The following TTC6 variants were observed in gnomAD, a reference collection of about 807,000 sequenced individuals.
TTC6 encodes the protein tetratricopeptide repeat protein 6.
In TTC6, 172 loss-of-function variants were observed where a neutral mutation model predicts 210.4. The observed-to-expected ratio is 0.82, with a 90% CI of 0.72 to 0.93. The LOEUF (loss-of-function observed/expected upper bound fraction) is 0.93, where lower values mean the gene tolerates loss of function less well. Ranked by LOEUF, TTC6 falls within the 40% of genes least tolerant of loss-of-function variation. The probability of loss-of-function intolerance (pLI) is 0.00; values close to 1 mark genes in which losing one functional copy is unlikely to be tolerated. For synonymous variants in TTC6, 804 were observed against 819.6 expected (o/e 0.98, Z 0.32); for missense variants, 2,414 against 2,318.1 (o/e 1.04, Z -0.85).
chr14:37,727,438 C>T (rs568703852), intron 7 of TTC6, among the ~76,000 whole-genome samples: 84 of 151,534 alleles, frequency 5.5e-4, no homozygotes, highest in Non-Finnish European at 9.4e-4. Flanking sequence ...GGACTACAGG[C>T]GCACACCACC....
chr14:37,700,798 T>C (rs1473343596), intron 4 of TTC6, among the ~76,000 whole-genome samples: 1 of 143,392 alleles, frequency 7.0e-6, no homozygotes, highest in East Asian at 2.1e-4. Flanking sequence ...TCATCCTCTC[T>C]ACTTAGGAAA....
intron 14 of TTC6, among the ~76,000 whole-genome samples, chr14:37,760,161 G>A (rs1039671837): frequency 1.3e-5 from 2 of 152,212 alleles, no homozygotes; most frequent in Admixed American, 6.5e-5. Context: ...CTCTGAGGCT[G>A]ATGACCTTTG....
At chr14:37,622,875 C>T (rs879790353) in exon 1 of TTC6, 4 of 1,535,022 alleles carry the variant, frequency 2.6e-6, no homozygotes, top group East Asian at 4.9e-5. Context: ...GCTGCCCTCC[C>T]GCGTGATCCC....
intron 1 of TTC6, among the ~76,000 whole-genome samples, chr14:37,667,331 A>G (rs560875677): frequency 1.3e-5 from 2 of 150,622 alleles, no homozygotes; most frequent in South Asian, 4.2e-4. Flanking sequence ...CCCCCTGCCC[A>G]GCACATTAAT....
intron 5 of TTC6, among the ~76,000 whole-genome samples, chr14:37,712,871 T>G (rs2095846790): frequency 6.6e-6 from 1 of 152,094 alleles, no homozygotes; most frequent in East Asian, 1.9e-4. Flanking sequence ...TTTAGCTATT[T>G]TAAGCAAAAA....
chr14:37,812,548 G>T, intron 25 of TTC6, 115 bp downstream of exon 27: 1 of 1,021,818 alleles, frequency 9.8e-7, no homozygotes, highest in Non-Finnish European at 1.4e-6. Flanking sequence ...CTCAACTTTA[G>T]CAAGAATTCT....
At chr14:37,704,274 C>T (rs986604120) in intron 5 of TTC6, among the ~76,000 whole-genome samples, 4 of 151,948 alleles carry the variant, frequency 2.6e-5, no homozygotes, top group Admixed American at 6.6e-5. Context: ...AGGCTGGTCT[C>T]GAACTCCTAG....
At chr14:37,783,480 C>T (rs2139276318) in intron 14 of TTC6, among the ~76,000 whole-genome samples, 1 of 151,628 alleles carries the variant, frequency 6.6e-6, no homozygotes, top group Non-Finnish European at 1.5e-5. Context: ...GGTGATATCC[C>T]CTTTATTATT....
intron 14 of TTC6, among the ~76,000 whole-genome samples, chr14:37,761,806 G>A (rs1363206797): frequency 1.3e-5 from 2 of 152,110 alleles, no homozygotes; most frequent in Non-Finnish European, 2.9e-5. Flanking sequence ...GCTGTTGCAT[G>A]TGGCTCTAGT....
At chr14:37,683,002 T>C (rs1486903820) in intron 3 of TTC6, 38 bp downstream of exon 5, 20 of 1,518,382 alleles carry the variant, frequency 1.3e-5, no homozygotes, top group African/African-American at 2.8e-5. Context: ...CTAAGAGTTA[T>C]GAGAATTGAG....
At chr14:37,682,850 A>G (rs1566885210) in exon 3 of TTC6, 12 of 1,535,718 alleles carry the variant, frequency 7.8e-6, no homozygotes, top group East Asian at 2.4e-5. Flanking sequence ...CAGAAAGCAT[A>G]GTATTTAAAC....
rs2095652059 is a variant in TTC6, at chr14:37,622,133, G to GA, written c.72dup (p.Val25SerfsTer6). On this transcript the variant is annotated frameshift_variant, in exon 1 of 31. Transcript: ENST00000553443. LOFTEE classifies it high-confidence loss of function. ...AATCGTATATGTTTAAAGAGCTTGA[G>GA]AAAGTTCGGCAGGAAACTAAAAAGG... 1 of 1,535,416 alleles carries GA rather than the reference G, an allele frequency of 6.5e-7. No homozygotes were observed. Among genetic ancestry groups the GA allele is most frequent in the Non-Finnish European group, 8.7e-7 (1 of 1,146,688 alleles).
chr14:37,799,912 G>A (rs887964790), intron 20 of TTC6, among the ~76,000 whole-genome samples: 7 of 152,152 alleles, frequency 4.6e-5, no homozygotes, highest in African/African-American at 1.7e-4. Context: ...GCAGGCTCCT[G>A]GCCCCTCACC....
intron 10 of TTC6, among the ~76,000 whole-genome samples, chr14:37,742,265 T>C (rs545286001): frequency 1.3e-5 from 2 of 152,320 alleles, no homozygotes; most frequent in East Asian, 3.9e-4. Flanking sequence ...AGTGACCCTG[T>C]GGTCTCAGAC....
intron 14 of TTC6, among the ~76,000 whole-genome samples, chr14:37,771,258 T>C (rs1407292950): frequency 1.3e-5 from 2 of 152,144 alleles, no homozygotes; most frequent in African/African-American, 2.4e-5. Flanking sequence ...ATTTCAACTT[T>C]GGTGAATCTG....
At chr14:37,657,048 A>C (rs1595068408) in intron 1 of TTC6, among the ~76,000 whole-genome samples, 2 of 152,044 alleles carry the variant, frequency 1.3e-5, no homozygotes, top group East Asian at 3.9e-4. Flanking sequence ...CGTCTCTATT[A>C]AAAATACTAA....
chr14:37,668,674 C>T (rs2095752788), intron 1 of TTC6, among the ~76,000 whole-genome samples: 1 of 152,168 alleles, frequency 6.6e-6, no homozygotes, highest in Non-Finnish European at 1.5e-5. Flanking sequence ...GAAAAATAAA[C>T]TTTGCCTCTT....
rs2095945362 is a variant in TTC6 at position 37,749,406 on chromosome 14, G to C, written c.2826+5G>C. The C allele has an allele frequency of 1.1e-5, 15 of 1,399,074 alleles. No individual in the cohort carries two copies. The highest frequency in any genetic ancestry group is 1.4e-5 in the Non-Finnish European group (15 of 1,082,244). 86.7% of individuals were successfully genotyped at this position (1,399,074 alleles called of 1,614,324 possible). ...GCCATGAATGATCTGCAGAGAGTAAGTTTTCTTTAACCAAAATAGTAATAT... is the reference window on the plus strand; with the variant it reads ...GCCATGAATGATCTGCAGAGAGTAACTTTTCTTTAACCAAAATAGTAATAT... On this transcript the variant is annotated splice_donor_5th_base_variant and intron_variant, in intron 11 of 30. Transcript: ENST00000553443.
chr14:37,811,170 C>T (rs754569237), intron 24 of TTC6, among the ~76,000 whole-genome samples: 11 of 152,144 alleles, frequency 7.2e-5, no homozygotes, highest in Non-Finnish European at 1.0e-4. Flanking sequence ...TTTTTATTTC[C>T]TCCTGTATTG....
Sources: allele counts gnomAD v4.1 joint callset (sites outside exome capture counted in the v4.1 genomes callset), GRCh38; gene constraint gnomAD v4.1.1; transcripts MANE v1.5; gene names NCBI Gene and HGNC (gene_info 2026-07-23, HGNC 2026-07-21).